IGF2BP3: variants seen among roughly 807,000 people sequenced by gnomAD.
IGF2BP3 encodes the protein insulin like growth factor 2 mRNA binding protein 3, also known as insulin-like growth factor 2 mRNA-binding protein 3.
Under a neutral mutation model 73.8 loss-of-function variants are expected in IGF2BP3, and 9 were observed. The ratio of observed to expected loss-of-function variants is 0.12; its 90% CI spans 0.07 to 0.21. The LOEUF (loss-of-function observed/expected upper bound fraction) is 0.21, where lower values mean the gene tolerates loss of function less well. IGF2BP3 is among the 10% of genes least tolerant of loss of function. The pLI, the probability that IGF2BP3 is intolerant of heterozygous loss-of-function variation, is 1.00. For missense variants in IGF2BP3, 542 were observed against 714.0 expected (o/e 0.76, Z 2.75); for synonymous variants, 258 against 256.7 (o/e 1.01, Z -0.05).
chr7:23,419,455 GT>G (rs1049445629), intron 2 of IGF2BP3, among the ~76,000 whole-genome samples: 10 of 152,172 alleles, frequency 6.6e-5, no homozygotes, highest in African/African-American at 2.2e-4. Context: ...GCTAGAACTT[GT>G]TGCTTATTAT....
At chr7:23,330,832 C>A (rs1331627287) in intron 10 of IGF2BP3, among the ~76,000 whole-genome samples, 9 of 152,148 alleles carry the variant, frequency 5.9e-5, no homozygotes, top group African/African-American at 1.9e-4. Context: ...TGCTCTTTTG[C>A]CCAGGCTGGA....
intron 10 of IGF2BP3, among the ~76,000 whole-genome samples, chr7:23,327,405 C>T (rs991597408): frequency 4.0e-5 from 6 of 151,702 alleles, no homozygotes; most frequent in Admixed American, 2.0e-4. Context: ...CTCAGCCTCC[C>T]GAGTAGCTGG....
intron 3 of IGF2BP3, among the ~76,000 whole-genome samples, chr7:23,388,987 A>G (rs1052438219): frequency 6.6e-6 from 1 of 152,206 alleles, no homozygotes; most frequent in African/African-American, 2.4e-5. Flanking sequence ...CACACATCAT[A>G]GGTAAATCTT....
intron 2 of IGF2BP3, among the ~76,000 whole-genome samples, chr7:23,449,595 C>A (rs190612564): frequency 1.6e-5 from 2 of 127,406 alleles, no homozygotes; most frequent in East Asian, 5.0e-4. Flanking sequence ...CTCACTCTGT[C>A]GCCCTGGCTG....
chr7:23,422,660 A>T (rs1787384206), intron 2 of IGF2BP3, among the ~76,000 whole-genome samples: 1 of 152,226 alleles, frequency 6.6e-6, no homozygotes, highest in Admixed American at 6.5e-5. Context: ...CAAAATTTAC[A>T]TCCAACACCC....
At chr7:23,406,377 TG>T (rs1456345975) in intron 3 of IGF2BP3, among the ~76,000 whole-genome samples, 1 of 152,082 alleles carries the variant, frequency 6.6e-6, no homozygotes, top group Non-Finnish European at 1.5e-5. Flanking sequence ...TTTCTTCCAG[TG>T]GGTTCTCGGT....
intron 2 of IGF2BP3, among the ~76,000 whole-genome samples, chr7:23,457,468 A>G (rs1174356236): frequency 1.3e-5 from 2 of 152,100 alleles, no homozygotes; most frequent in Non-Finnish European, 2.9e-5. Flanking sequence ...GTTTCAAAAA[A>G]AAAAAAATTT....
chr7:23,347,665 T>G lies in IGF2BP3; in HGVS notation c.753A>C (p.Glu251Asp). Residue 251 changes from glutamate (E) to aspartate (D), a missense_variant, in exon 7 of 15, where the codon GAA becomes GAC. Coordinates refer to ENST00000258729, the MANE Select transcript of IGF2BP3 (RefSeq NM_006547.3). ...TAGACTTACAAGCCGCAGAGGTGCC[T>G]TCAGGAGTAGAGAGGATAGTAATCG... ...EKSITILSTPEGTSAACKSIL... is the reference protein window; with the variant it reads ...EKSITILSTPDGTSAACKSIL... 6.2e-7 allele frequency: 1 copy of G among 1,614,108 alleles called. No homozygotes were observed. The highest frequency in any genetic ancestry group is 8.5e-7 in the Non-Finnish European group (1 of 1,180,002).
rs1783792171 is a variant in IGF2BP3, at chr7:23,310,224, A to AAAAAATTTATTCTGCGTCAAGGTATCTGG, written c.*2109_*2137dup. 6.6e-6 allele frequency: 1 copy of AAAAAATTTATTCTGCGTCAAGGTATCTGG among 152,240 alleles called. No homozygotes were observed. The highest frequency in any genetic ancestry group is 1.9e-4 in the East Asian group (1 of 5,206). 9.4% of individuals were successfully genotyped at this position (152,240 alleles called of 1,614,324 possible). On this transcript the variant is annotated 3_prime_UTR_variant, in exon 15 of 15. Transcript: ENST00000258729. ...CACAACAAGCTGCACCTAAATGATG[A>AAAAAATTTATTCTGCGTCAAGGTATCTGG]AAAAATTTATTCTGCGTCAAGGTAT...
chr7:23,451,421 A>G (rs1788192628), intron 2 of IGF2BP3, among the ~76,000 whole-genome samples: 1 of 151,966 alleles, frequency 6.6e-6, no homozygotes, highest in African/African-American at 2.4e-5. Flanking sequence ...TGTCTCAAAA[A>G]AGAGTTTTTT....
intron 2 of IGF2BP3, among the ~76,000 whole-genome samples, chr7:23,459,005 A>T (rs1410861018): frequency 6.6e-6 from 1 of 152,224 alleles, no homozygotes; most frequent in Non-Finnish European, 1.5e-5. Flanking sequence ...GGAGGGCCTT[A>T]GGCAGGTTGC....
intron 3 of IGF2BP3, among the ~76,000 whole-genome samples, chr7:23,371,643 C>T (rs1171459394): frequency 6.6e-6 from 1 of 152,192 alleles, no homozygotes; most frequent in Admixed American, 6.5e-5. Flanking sequence ...GCACCACAGA[C>T]CAGACCATTA....
chr7:23,335,839 C>G (rs554769258), intron 10 of IGF2BP3, among the ~76,000 whole-genome samples: 9 of 152,334 alleles, frequency 5.9e-5, no homozygotes, highest in East Asian at 3.9e-4. Context: ...CTGCCAATTC[C>G]TTCTTCCCTA....
intron 1 of IGF2BP3, 29 bp from the exon 2 acceptor site, chr7:23,468,571 G>A: frequency 6.2e-7 from 1 of 1,611,922 alleles, no homozygotes; most frequent in Non-Finnish European, 8.5e-7. Flanking sequence ...TGAGACGGTC[G>A]GCCGAGTTCA....
At chr7:23,317,584 G>T in intron 12 of IGF2BP3, 55 bp downstream of exon 12, 1 of 1,332,542 alleles carries the variant, frequency 7.5e-7, no homozygotes. Flanking sequence ...GCCAGGTTAT[G>T]GACTACCTGT....
At chr7:23,337,846 T>C (rs1472527623) in intron 10 of IGF2BP3, among the ~76,000 whole-genome samples, 1 of 152,168 alleles carries the variant, frequency 6.6e-6, no homozygotes, top group Non-Finnish European at 1.5e-5. Context: ...TCCTTTATCC[T>C]TCTTGTTGGC....
intron 3 of IGF2BP3, among the ~76,000 whole-genome samples, chr7:23,416,414 T>C (rs927991952): frequency 6.6e-6 from 1 of 152,220 alleles, no homozygotes; most frequent in African/African-American, 2.4e-5. Flanking sequence ...AAACAGGATG[T>C]CCTGTGGAAT....
intron 10 of IGF2BP3, among the ~76,000 whole-genome samples, chr7:23,335,725 C>T (rs188231671): frequency 2.0e-5 from 3 of 152,348 alleles, no homozygotes; most frequent in African/African-American, 4.8e-5. Flanking sequence ...CTGAAGCCAG[C>T]AGCCCTTGGG....
chr7:23,460,469 T>C (rs1405712488), intron 2 of IGF2BP3, among the ~76,000 whole-genome samples: 1 of 149,718 alleles, frequency 6.7e-6, no homozygotes, highest in Non-Finnish European at 1.5e-5. Context: ...GAGGCAGAGG[T>C]TGCAAGTGAG....
Sources: allele counts gnomAD v4.1 joint callset (sites outside exome capture counted in the v4.1 genomes callset), GRCh38; gene constraint gnomAD v4.1.1; transcripts MANE v1.5; gene names NCBI Gene and HGNC (gene_info 2026-07-23, HGNC 2026-07-21).